NUTM2B: variants seen among roughly 807,000 people sequenced by gnomAD.
NUTM2B encodes the protein NUT family member 2B, also known as family with sequence similarity 22, member B.
Under a neutral mutation model 42.4 loss-of-function variants are expected in NUTM2B, and 2 were observed. The ratio of observed to expected loss-of-function variants is 0.05; its 90% confidence interval spans 0.02 to 0.15. NUTM2B has a LOEUF of 0.15. NUTM2B is among the 10% of genes least tolerant of loss of function. NUTM2B has a pLI of 1.00. For synonymous variants in NUTM2B, 18 were observed against 402.4 expected (o/e 0.04, Z 11.43); for missense variants, 58 against 952.6 (o/e 0.06, Z 12.36).
the NUTM2B span, among the ~76,000 whole-genome samples, chr10:79,695,573 C>G: frequency 2.0e-5 from 3 of 152,188 alleles, no homozygotes; most frequent in Non-Finnish European, 2.9e-5. Flanking sequence ...TGACACCCAA[C>G]AGTATCCCCA....
At chr10:79,700,849 G>A (rs1239277940), upstream of NUTM2B, among the ~76,000 whole-genome samples, 5 of 152,358 alleles carry the variant, frequency 3.3e-5, no homozygotes, top group African/African-American at 1.2e-4. Flanking sequence ...CGCCCTAGGA[G>A]GGCCCCGCTG....
rs1237417047 is a variant in NUTM2B at position 79,709,640 on chromosome 10, T to A, written c.1212-160T>A. Among the ~76,000 whole-genome samples, 2 of 133,020 alleles carry A rather than the reference T, an allele frequency of 1.5e-5. 1 individual carries two copies. The highest frequency in any genetic ancestry group is 3.2e-5 in the Non-Finnish European group (2 of 62,608). 87.3% of individuals were successfully genotyped at this position (133,020 alleles called of 152,430 possible). On this transcript the variant is annotated intron_variant, in intron 3 of 6. Transcript: ENST00000429828. ...GTGAGGGAGGGTGAGCCCGGAACTC[T>A]GGGAGCAGTTTTCTCCTGGGACTGG...
At chr10:79,700,527 G>A (rs1273148368), upstream of NUTM2B, among the ~76,000 whole-genome samples, 3 of 152,242 alleles carry the variant, frequency 2.0e-5, no homozygotes, top group African/African-American at 4.8e-5. Flanking sequence ...GAACGCTCCC[G>A]CCTTGAGCAC....
chr10:79,702,404 G>A (rs1285259113), upstream of NUTM2B, among the ~76,000 whole-genome samples: 13 of 149,544 alleles, frequency 8.7e-5, no homozygotes, highest in South Asian at 1.9e-3. Context: ...TGGGGATATT[G>A]GACAGGAGTT....
chr10:79,699,445 CT>C (rs1840274323), upstream of NUTM2B, among the ~76,000 whole-genome samples: 1 of 151,944 alleles, frequency 6.6e-6, no homozygotes, highest in African/African-American at 2.4e-5. Flanking sequence ...TTATGACCTT[CT>C]TTTTTAGGGG....
At chr10:79,694,270 G>A in the NUTM2B span, among the ~76,000 whole-genome samples, 1 of 152,038 alleles carries the variant, frequency 6.6e-6, no homozygotes, top group African/African-American at 2.4e-5. Context: ...GGTGGTGCAT[G>A]CCTGTAATCC....
chr10:79,698,885 G>T (rs553751900), upstream of NUTM2B, among the ~76,000 whole-genome samples: 1 of 151,978 alleles, frequency 6.6e-6, no homozygotes, highest in African/African-American at 2.4e-5. Context: ...ATGCAAACAT[G>T]CCACCTTATA....
the NUTM2B span, among the ~76,000 whole-genome samples, chr10:79,693,599 T>A: frequency 6.6e-6 from 1 of 152,208 alleles, no homozygotes; most frequent in Non-Finnish European, 1.5e-5. Context: ...TCTGTGCTGA[T>A]TCAAGACCAA....
At chr10:79,692,752 T>C in the NUTM2B span, among the ~76,000 whole-genome samples, 4 of 152,178 alleles carry the variant, frequency 2.6e-5, no homozygotes, top group Non-Finnish European at 2.9e-5. Flanking sequence ...CCTCCTGGGA[T>C]ACCTCCAGCT....
chr10:79,696,463 C>T, the NUTM2B span, among the ~76,000 whole-genome samples: 1 of 151,266 alleles, frequency 6.6e-6, no homozygotes, highest in South Asian at 2.1e-4. Flanking sequence ...AACGATGTAC[C>T]TCCAGAACAC....
chr10:79,694,195 C>T, the NUTM2B span, among the ~76,000 whole-genome samples: 9 of 152,068 alleles, frequency 5.9e-5, no homozygotes, highest in Admixed American at 2.6e-4. Context: ...GTTAGGAGTT[C>T]GAGACCAGCC....
exon 7 of NUTM2B, chr10:79,712,508 G>A (rs1415731973): frequency 6.8e-7 from 1 of 1,472,568 alleles, no homozygotes; most frequent in East Asian, 2.5e-5. Context: ...AGGCTCTCTG[G>A]GGCCAATCCC....
the NUTM2B span, among the ~76,000 whole-genome samples, chr10:79,692,939 A>G: frequency 3.3e-5 from 5 of 152,186 alleles, no homozygotes; most frequent in Non-Finnish European, 2.9e-5. Context: ...CCAAGCTGAC[A>G]TTCCCCCAGT....
In NUTM2B at chr10:79,709,732, C is replaced by T. The variant is rs1393659419; in HGVS notation, c.1212-68C>T. 38 of 513,428 alleles carry T rather than the reference C, an allele frequency of 7.4e-5. 5 individuals carry two copies. Among genetic ancestry groups the T allele is most frequent in the Admixed American group, 2.5e-4 (7 of 27,974 alleles). 31.8% of individuals were successfully genotyped at this position (513,428 alleles called of 1,614,324 possible). A position where few individuals can be genotyped will look rare whatever the true frequency, so the allele number is the denominator to read the frequency against. ...ACTCCCTCCTATCCCTGCCCTCGGC[C>T]GCTGCCTGGTCCTGCGGGGAGGGGG... On this transcript the variant is annotated intron_variant, in intron 3 of 6. Coordinates refer to ENST00000429828, the Ensembl canonical transcript of NUTM2B.
chr10:79,695,413 T>C, the NUTM2B span, among the ~76,000 whole-genome samples: 1 of 152,340 alleles, frequency 6.6e-6, no homozygotes, highest in Non-Finnish European at 1.5e-5. Flanking sequence ...TCCCTCTTTT[T>C]ACCAAGACTC....
chr10:79,709,115 C>T (rs1350754397), intron 3 of NUTM2B, among the ~76,000 whole-genome samples: 2 of 110,182 alleles, frequency 1.8e-5, no homozygotes, highest in Non-Finnish European at 3.4e-5. Flanking sequence ...AAGTGGGTCA[C>T]CTCTAGCTGT....
At chr10:79,701,215 G>A (rs1207035415), upstream of NUTM2B, among the ~76,000 whole-genome samples, 3 of 152,160 alleles carry the variant, frequency 2.0e-5, no homozygotes, top group Admixed American at 6.5e-5. Context: ...TTTTAGATCT[G>A]AAAACACACT....
the NUTM2B span, among the ~76,000 whole-genome samples, chr10:79,695,224 G>T: frequency 6.6e-6 from 1 of 152,074 alleles, no homozygotes; most frequent in Non-Finnish European, 1.5e-5. Flanking sequence ...TCAGATTCAG[G>T]CCCTTGTGCC....
the NUTM2B span, among the ~76,000 whole-genome samples, chr10:79,695,716 T>C: frequency 6.6e-6 from 1 of 151,926 alleles, no homozygotes; most frequent in Non-Finnish European, 1.5e-5. Flanking sequence ...AGAGAAGACA[T>C]GGCACATGTG....
Sources: gnomAD v4.1 joint callset for allele counts (sites outside exome capture counted in the v4.1 genomes callset) on GRCh38, gnomAD v4.1.1 for gene constraint, MANE v1.5 for transcripts, NCBI Gene and HGNC (gene_info 2026-07-23, HGNC 2026-07-21) for gene names.